The following ZNF536 variants were observed in gnomAD, a reference collection of about 807,000 sequenced individuals.
The protein encoded by ZNF536 is zinc finger protein 536.
A neutral mutation model predicts 84.5 loss-of-function variants in ZNF536; 13 were observed. The ratio of observed to expected loss-of-function variants is 0.15; its 90% CI spans 0.10 to 0.24. The LOEUF (loss-of-function observed/expected upper bound fraction) is 0.24. ZNF536 is among the 10% of genes least tolerant of loss of function. The pLI is 1.00. For missense variants in ZNF536, 1,536 were observed against 1,747.5 expected (o/e 0.88, Z 2.16); for synonymous variants, 811 against 742.5 (o/e 1.09, Z -1.50).
At chr19:30,495,090 T>G (rs1217400386) in intron 2 of ZNF536, among the ~76,000 whole-genome samples, 1 of 152,226 alleles carries the variant, frequency 6.6e-6, no homozygotes, top group Non-Finnish European at 1.5e-5. Flanking sequence ...GACCCAGGTC[T>G]TGGCTTCACT....
At chr19:30,274,998 G>T (rs2026050268) in intron 1 of ZNF536, among the ~76,000 whole-genome samples, 1 of 152,200 alleles carries the variant, frequency 6.6e-6, no homozygotes, top group African/African-American at 2.4e-5. Flanking sequence ...TCCCCCGTTT[G>T]CATCATTCCA....
chr19:30,539,078 GAAAGAAAAGAAAAGAA>G (rs908603906), intron 3 of ZNF536, among the ~76,000 whole-genome samples: 37 of 151,040 alleles, frequency 2.4e-4, no homozygotes, highest in African/African-American at 7.8e-4. Flanking sequence ...GAAAAGGAAA[GAAAGAAAAGAAAAGAA>G]AAAGAAAAGA....
intron 1 of ZNF536, among the ~76,000 whole-genome samples, chr19:30,261,730 T>C (rs1373507145): frequency 7.3e-6 from 1 of 136,258 alleles, no homozygotes; most frequent in Non-Finnish European, 1.6e-5. Flanking sequence ...AAAAGAAAAG[T>C]GAGTTGATTT....
At chr19:30,547,399 T>A (rs1653829486) in intron 3 of ZNF536, among the ~76,000 whole-genome samples, 1 of 152,220 alleles carries the variant, frequency 6.6e-6, no homozygotes, top group African/African-American at 2.4e-5. Context: ...CAAATAATGA[T>A]AAATTACTTG....
chr19:30,505,536 A>C (rs1432626603), intron 2 of ZNF536, among the ~76,000 whole-genome samples: 1 of 150,922 alleles, frequency 6.6e-6, no homozygotes, highest in African/African-American at 2.4e-5. Flanking sequence ...TGTTTGACCA[A>C]GGATATTCAC....
intron 1 of ZNF536, among the ~76,000 whole-genome samples, chr19:30,686,844 C>T (rs1218594056): frequency 1.3e-5 from 2 of 152,044 alleles, no homozygotes; most frequent in Admixed American, 6.6e-5. Context: ...GATTATGAAT[C>T]GATGATCATG....
Position 30,548,671 on chromosome 19 carries a change from C to G in ZNF536, c.3052C>G (p.Leu1018Val), listed in dbSNP as rs745641444. 10 of 1,614,034 alleles carry G rather than the reference C, an allele frequency of 6.2e-6. No individual in the cohort carries two copies. In the Admixed American group the frequency reaches 1.7e-4, roughly 27 times the overall value. ...FTTSSMELMALHLQANHLGKA... is the reference protein window; with the variant it reads ...FTTSSMELMAVHLQANHLGKA... ...AACGTCCTCCATGGAGCTCATGGCC[C>G]TTCATCTCCAGGCCAACCACCTGGG... is the stretch of plus-strand genomic sequence containing the variant. Residue 1018 changes from leucine to valine, a missense_variant, in exon 4 of 5, where the codon CTT becomes GTT. This residue lies in a region of ZNF536 where 624 missense variants were observed against 603.1 expected (regional missense o/e 1.03). Coordinates refer to ENST00000355537, the MANE Select transcript of ZNF536 (RefSeq NM_014717.3).
chr19:30,297,912 CCT>C (rs386808573), intron 2 of ZNF536, among the ~76,000 whole-genome samples: 1 of 147,144 alleles, frequency 6.8e-6, no homozygotes, highest in Non-Finnish European at 1.5e-5. Flanking sequence ...GTCCCCCCCC[CCT>C]CTGTCGCCCA....
At chr19:30,302,061 A>T (rs1446722251) in intron 2 of ZNF536, among the ~76,000 whole-genome samples, 2 of 145,022 alleles carry the variant, frequency 1.4e-5, no homozygotes, top group Non-Finnish European at 3.0e-5. Context: ...GTATACAAAT[A>T]ATTTTTTATA....
Position 30,557,520 on chromosome 19 carries a change from G to A in ZNF536, c.*356G>A, listed in dbSNP as rs1257932217. The A allele has an allele frequency of 4.8e-6, 1 of 208,452 alleles. No homozygotes were observed. The highest frequency in any genetic ancestry group is 2.3e-5 in the African/African-American group (1 of 43,382). 12.9% of individuals were successfully genotyped at this position (208,452 alleles called of 1,614,324 possible). On this transcript the variant is annotated 3_prime_UTR_variant, in exon 5 of 5. Transcript: ENST00000355537. ...CTGTGGACAACCTGGCTGGGGGTGG[G>A]GGGCTGTTCCACCAGCTCACCTGAG...
chr19:30,610,694 T>C (rs1169654391), intron 1 of ZNF536, among the ~76,000 whole-genome samples: 6 of 152,158 alleles, frequency 3.9e-5, no homozygotes, highest in Non-Finnish European at 7.4e-5. Context: ...TTTTGTTTTC[T>C]TTTAAATGTT....
intron 1 of ZNF536, among the ~76,000 whole-genome samples, chr19:30,646,783 G>A (rs904949479): frequency 4.6e-5 from 7 of 152,100 alleles, no homozygotes; most frequent in African/African-American, 1.7e-4. Flanking sequence ...ACTGGCACCT[G>A]CCCTCCGACG....
chr19:30,623,166 G>T (rs866889785), intron 1 of ZNF536, among the ~76,000 whole-genome samples: 5 of 151,046 alleles, frequency 3.3e-5, no homozygotes, highest in African/African-American at 1.2e-4. Context: ...CAGCAAATCT[G>T]CAGACTGCAC....
intron 1 of ZNF536, among the ~76,000 whole-genome samples, chr19:30,681,871 T>C (rs2147828374): frequency 6.6e-6 from 1 of 152,224 alleles, no homozygotes; most frequent in South Asian, 2.1e-4. Flanking sequence ...GAATCCGCAA[T>C]GGTGTCAGCC....
rs150309594 is a variant in ZNF536, at chr19:30,408,184, C to A, written c.-2-35377C>A. On this transcript the variant is annotated intron_variant, in intron 1 of 4. Coordinates refer to ENST00000355537, the MANE Select transcript of ZNF536 (RefSeq NM_014717.3). ...CACAGAGGTGTAGAGGAAGTTCAAC[C>A]TGTTTTTTGCTTTGGGTTTGTGGTG... Among the ~76,000 whole-genome samples, 8 of 152,258 alleles carry A rather than the reference C, an allele frequency of 5.3e-5. No homozygotes were observed. The East Asian group carries it at 1.5e-3, about 29-fold the overall frequency.
intron 1 of ZNF536, among the ~76,000 whole-genome samples, chr19:30,433,151 C>T (rs1426859538): frequency 6.6e-6 from 1 of 152,200 alleles, no homozygotes; most frequent in African/African-American, 2.4e-5. Flanking sequence ...CCCTTGGGCA[C>T]ATGTGGCCTA....
At chr19:30,307,733 A>G (rs2046382582) in intron 2 of ZNF536, among the ~76,000 whole-genome samples, 1 of 152,240 alleles carries the variant, frequency 6.6e-6, no homozygotes, top group Non-Finnish European at 1.5e-5. Context: ...CTGACCCACA[A>G]GTAAAACCGG....
chr19:30,531,193 C>A (rs2044800808), intron 2 of ZNF536, among the ~76,000 whole-genome samples: 1 of 152,184 alleles, frequency 6.6e-6, no homozygotes, highest in Non-Finnish European at 1.5e-5. Flanking sequence ...AACTGTTTAT[C>A]TTACAAATTT....
At chr19:30,397,516 C>T (rs2049871674) in intron 1 of ZNF536, among the ~76,000 whole-genome samples, 1 of 152,144 alleles carries the variant, frequency 6.6e-6, no homozygotes, top group Admixed American at 6.5e-5. Flanking sequence ...AGACAAGATT[C>T]CTCAGTTATT....
Sources: allele counts gnomAD v4.1 joint callset (sites outside exome capture counted in the v4.1 genomes callset), GRCh38; gene constraint gnomAD v4.1.1; regional missense constraint gnomAD v4.1.1; transcripts MANE v1.5; gene names NCBI Gene and HGNC (gene_info 2026-07-23, HGNC 2026-07-21).